AKAP13: variants seen among roughly 807,000 people sequenced by gnomAD.
AKAP13 encodes A-kinase anchor protein 13.
In AKAP13, 80 loss-of-function variants were observed where a neutral mutation model predicts 264.5. The ratio of observed to expected loss-of-function variants is 0.30; its 90% CI spans 0.25 to 0.36. The LOEUF is 0.36. Ranked by LOEUF, AKAP13 falls within the 10% of genes least tolerant of loss-of-function variation. The pLI, the probability that AKAP13 is intolerant of heterozygous loss-of-function variation, is 1.00. For missense variants in AKAP13, 3,712 were observed against 3,435.2 expected (o/e 1.08, Z -2.01); for synonymous variants, 1,380 against 1,250.2 (o/e 1.10, Z -2.19).
At chr15:85,468,524 T>A (rs2151017318) in intron 1 of AKAP13, among the ~76,000 whole-genome samples, 1 of 152,350 alleles carries the variant, frequency 6.6e-6, no homozygotes, top group Non-Finnish European at 1.5e-5. Context: ...ATAGCTTTGA[T>A]GCTTTAAAGA....
At chr15:85,729,096 C>G (rs754601564) in intron 29 of AKAP13, among the ~76,000 whole-genome samples, 20 of 151,874 alleles carry the variant, frequency 1.3e-4, no homozygotes, top group African/African-American at 4.8e-4. Flanking sequence ...GTCAGGAGTT[C>G]GAGACCAGCC....
chr15:85,693,152 T>A (rs1261390135), intron 16 of AKAP13, 125 bp from the exon 17 acceptor site: 3 of 1,377,360 alleles, frequency 2.2e-6, no homozygotes, highest in Non-Finnish European at 2.8e-6. Flanking sequence ...GCCCAGAACT[T>A]TGTTTCTCAC....
chr15:85,479,332 C>T (rs1012440769), intron 1 of AKAP13, among the ~76,000 whole-genome samples: 5 of 152,158 alleles, frequency 3.3e-5, no homozygotes, highest in African/African-American at 7.2e-5. Context: ...AACATTGACT[C>T]TTTTACAAGA....
At chr15:85,629,764 C>CTCTTTTT (rs2081607340) in intron 8 of AKAP13, among the ~76,000 whole-genome samples, 1 of 50,504 alleles carries the variant, frequency 2.0e-5, no homozygotes, top group African/African-American at 7.0e-5. Context: ...CCTTTACAGC[C>CTCTTTTT]TTTTTTTTTT....
chr15:85,507,209 G>A (rs551210736), intron 2 of AKAP13, among the ~76,000 whole-genome samples: 1 of 152,140 alleles, frequency 6.6e-6, no homozygotes, highest in African/African-American at 2.4e-5. Flanking sequence ...TGATGTCTTT[G>A]GGGGTGTGTG....
chr15:85,645,938 G>T lies in AKAP13; in HGVS notation c.4358G>T (p.Ser1453Ile). ...LFHSPSDDMD[S>I]IIFPKPEEEH... ...CACTCACCCAGTGATGACATGGACAGCATCATCTTCCCAAAGGTACTGTGT... is the reference window on the plus strand; with the variant it reads ...CACTCACCCAGTGATGACATGGACATCATCATCTTCCCAAAGGTACTGTGT... The change falls in exon 10 of 37, where the codon AGC becomes ATC. Residue 1453 changes from serine (S) to isoleucine (I), a missense_variant. This residue lies in a region of AKAP13 where 2,759 missense variants were observed against 2,411.7 expected (regional missense o/e 1.14). Transcript: ENST00000394518. 1 of 1,613,438 alleles carries T rather than the reference G, an allele frequency of 6.2e-7. No homozygotes were observed. The highest frequency in any genetic ancestry group is 8.5e-7 in the Non-Finnish European group (1 of 1,179,896).
intron 10 of AKAP13, among the ~76,000 whole-genome samples, chr15:85,652,333 T>G (rs1313035068): frequency 6.6e-6 from 1 of 152,196 alleles, no homozygotes; most frequent in Non-Finnish European, 1.5e-5. Context: ...CTTCCAAGAT[T>G]GGATGCCAGA....
intron 1 of AKAP13, among the ~76,000 whole-genome samples, chr15:85,483,969 T>C (rs1322942210): frequency 6.6e-6 from 1 of 152,204 alleles, no homozygotes; most frequent in Non-Finnish European, 1.5e-5. Context: ...GACGACACTC[T>C]TTTAATTTTT....
chr15:85,560,128 TAAAAAAAAAAAAA>T (rs55715424), intron 5 of AKAP13, among the ~76,000 whole-genome samples: 17 of 54,582 alleles, frequency 3.1e-4, no homozygotes, highest in African/African-American at 7.3e-4. Flanking sequence ...TGTCTCCACC[TAAAAAAAAAAAAA>T]AAAAAAAAAA....
In AKAP13 at chr15:85,594,579, C is replaced by G. The variant is rs535357197; in HGVS notation, c.4161+8756C>G. Among the ~76,000 whole-genome samples the G allele has an allele frequency of 1.1e-3, 168 of 152,218 alleles. 2 individuals are homozygous for G. Among genetic ancestry groups the G allele is most frequent in the African/African-American group, 4.0e-3 (168 of 41,544 alleles). On this transcript the variant is annotated intron_variant, in intron 8 of 36. Coordinates refer to ENST00000394518, the MANE Select transcript of AKAP13 (RefSeq NM_007200.5). ...TCTACCAGTAAATTTGGAAGGGCTACCAATAGGTGATCTCTTAGAAAAAAC... is the reference window on the plus strand; with the variant it reads ...TCTACCAGTAAATTTGGAAGGGCTAGCAATAGGTGATCTCTTAGAAAAAAC...
At chr15:85,613,554 G>A (rs1298529949) in intron 8 of AKAP13, among the ~76,000 whole-genome samples, 13 of 151,362 alleles carry the variant, frequency 8.6e-5, no homozygotes, top group Admixed American at 2.0e-4. Flanking sequence ...GGTGGCGGGC[G>A]CCTGTAGTCC....
At chr15:85,582,203 T>C in intron 7 of AKAP13, 96 bp downstream of exon 7, 1 of 1,359,384 alleles carries the variant, frequency 7.4e-7, no homozygotes, top group Middle Eastern at 2.7e-4. Context: ...TCTTTGTTGT[T>C]TTGAGGCCTT....
chr15:85,725,168 G>A (rs973511213), intron 26 of AKAP13, among the ~76,000 whole-genome samples: 3 of 152,176 alleles, frequency 2.0e-5, no homozygotes, highest in African/African-American at 7.2e-5. Context: ...CAAGCCAGCG[G>A]CAGAACGATA....
chr15:85,685,263 C>G (rs1419386277), intron 16 of AKAP13: 1 of 155,210 alleles, frequency 6.4e-6, no homozygotes, highest in Non-Finnish European at 1.4e-5. Flanking sequence ...TCTGTAATAT[C>G]AGTTTAAATG....
At chr15:85,623,399 A>G (rs2081278932) in intron 8 of AKAP13, among the ~76,000 whole-genome samples, 1 of 152,206 alleles carries the variant, frequency 6.6e-6, no homozygotes, top group Non-Finnish European at 1.5e-5. Flanking sequence ...GGTATTCCAC[A>G]TTTAACAACT....
At chr15:85,555,879 G>T (rs750360673) in intron 5 of AKAP13, among the ~76,000 whole-genome samples, 1 of 152,136 alleles carries the variant, frequency 6.6e-6, no homozygotes, top group East Asian at 1.9e-4. Flanking sequence ...CTGAGAAATG[G>T]CTTCTAATTT....
In AKAP13 at chr15:85,460,768, G is replaced by C. The variant is rs150862304; in HGVS notation, c.-11-24942G>C. The stretch of plus-strand genomic sequence containing the variant: ...TAAATTTGACTTTGCTGGCTCTGAA[G>C]ATGGAGAAAGGGGCTGCATGCAGCC... On this transcript the variant is annotated intron_variant, in intron 1 of 36. Transcript: ENST00000394518. Among the ~76,000 whole-genome samples, 796 of 152,344 alleles carry C rather than the reference G, an allele frequency of 5.2e-3. 8 individuals carry two copies. The highest frequency in any genetic ancestry group is 5.1e-3 in the Non-Finnish European group (346 of 68,034).
In AKAP13 at chr15:85,533,800, A is replaced by T; in HGVS notation, c.398A>T (p.Asp133Val). The change falls in exon 4 of 37, where the codon GAT becomes GTT. Residue 133 changes from aspartate to valine, a missense_variant. Transcript: ENST00000394518. ...GPPSGDVNSL[D>V]KKLVLAFRHL... ...CCATCTGGGGATGTGAATTCCCTTG[A>T]TAAGAAGTTGGTGCTGGCATTCAGG... 1 of 1,613,974 alleles carries T rather than the reference A, an allele frequency of 6.2e-7. No homozygotes were observed. The highest frequency in any genetic ancestry group is 8.5e-7 in the Non-Finnish European group (1 of 1,179,894).
At chr15:85,530,989 C>G (rs2077224635) in intron 3 of AKAP13, among the ~76,000 whole-genome samples, 1 of 152,132 alleles carries the variant, frequency 6.6e-6, no homozygotes, top group Admixed American at 6.5e-5. Context: ...ATTCTCCTGC[C>G]TCAGCCTCCC....
Sources: allele counts gnomAD v4.1 joint callset (sites outside exome capture counted in the v4.1 genomes callset), GRCh38; gene constraint gnomAD v4.1.1; regional missense constraint gnomAD v4.1.1; transcripts MANE v1.5; gene names NCBI Gene and HGNC (gene_info 2026-07-23, HGNC 2026-07-21).